The following CDK12 variants were observed in gnomAD, a reference collection of about 807,000 sequenced individuals.
CDK12 encodes cyclin dependent kinase 12, also known as cyclin-dependent kinase 12.
CDK12 carries 17 observed loss-of-function variants against 133.8 expected under a neutral mutation model. The observed-to-expected ratio is 0.13, with a 90% CI of 0.09 to 0.19. The LOEUF is 0.19. Ranked by LOEUF, CDK12 falls within the 10% of genes least tolerant of loss-of-function variation. CDK12 has a pLI of 1.00. For synonymous variants in CDK12, 694 were observed against 683.6 expected (o/e 1.02, Z -0.24); for missense variants, 1,508 against 1,818.7 (o/e 0.83, Z 3.11).
chr17:39,508,997 C>CAAAAAA (rs36130789), intron 6 of CDK12, among the ~76,000 whole-genome samples: 6 of 120,678 alleles, frequency 5.0e-5, no homozygotes, highest in African/African-American at 9.8e-5. Context: ...GACTCTGTCT[C>CAAAAAA]AAAAAAAAAA....
intron 2 of CDK12, among the ~76,000 whole-genome samples, chr17:39,480,262 T>A (rs1164619996): frequency 2.7e-5 from 4 of 147,384 alleles, no homozygotes; most frequent in Non-Finnish European, 6.0e-5. Flanking sequence ...AATGAAACTT[T>A]ACTTTTTTTT....
chr17:39,466,099 G>A (rs1431970976), intron 1 of CDK12, among the ~76,000 whole-genome samples: 2 of 151,918 alleles, frequency 1.3e-5, no homozygotes, highest in African/African-American at 4.8e-5. Flanking sequence ...CCTGAGGTCA[G>A]GAGTTTGAGA....
Position 39,494,712 on chromosome 17 carries a change from C to T in CDK12, c.2419+18C>T. The T allele has an allele frequency of 6.6e-7, 1 of 1,519,896 alleles. No individual in the cohort carries two copies. Among genetic ancestry groups the T allele is most frequent in the Non-Finnish European group, 8.9e-7 (1 of 1,119,082 alleles). The allele number at this position is 1,519,896 out of a possible 1,614,324, so 94.2% of individuals were successfully genotyped here. ...GGACAAAGGTACTAGCAAAGAATCA[C>T]ATTTTTACAGGGTAGACTGGTCCAA... On this transcript the variant is annotated intron_variant, in intron 5 of 13. Transcript: ENST00000447079.
chr17:39,561,974 CT>C (rs2056390470), intron 3 of CDK12, among the ~76,000 whole-genome samples: 2 of 152,128 alleles, frequency 1.3e-5, no homozygotes, highest in African/African-American at 4.8e-5. Context: ...GAGTCTTGCC[CT>C]GTCACCCAGG....
At chr17:39,521,035 G>A (rs551921083) in intron 11 of CDK12, among the ~76,000 whole-genome samples, 2 of 151,872 alleles carry the variant, frequency 1.3e-5, no homozygotes. Flanking sequence ...AGTAGAGACA[G>A]AGTTTCTCCA....
intron 2 of CDK12, among the ~76,000 whole-genome samples, chr17:39,479,308 G>GAAA (rs34077108): frequency 1.5e-4 from 15 of 100,390 alleles, no homozygotes; most frequent in Non-Finnish European, 2.4e-4. Context: ...GACTCCGTCT[G>GAAA]AAAAAAAAAA....
rs559227819 is a variant in CDK12 at position 39,490,305 on chromosome 17, T to C, written c.1932-252T>C. Among the ~76,000 whole-genome samples the C allele has an allele frequency of 7.9e-5, 12 of 151,724 alleles. No homozygotes were observed. The South Asian group carries it at 2.5e-3, about 32-fold the overall frequency. ...TCACTTGAACCCAGGAGGCAGAGGTTGTAGTGAGCCAAGATCACGCCACTG... is the reference window on the plus strand; with the variant it reads ...TCACTTGAACCCAGGAGGCAGAGGTCGTAGTGAGCCAAGATCACGCCACTG... On this transcript the variant is annotated intron_variant, in intron 2 of 13. Coordinates refer to ENST00000447079, the MANE Select transcript of CDK12 (RefSeq NM_016507.4).
At chr17:39,541,486 T>C (rs925286336) in intron 1 of CDK12, among the ~76,000 whole-genome samples, 5 of 150,784 alleles carry the variant, frequency 3.3e-5, no homozygotes, top group African/African-American at 4.9e-5. Flanking sequence ...TGCCTCAGCC[T>C]CCCAAGTAGC....
intron 3 of CDK12, among the ~76,000 whole-genome samples, chr17:39,563,091 C>CAA (rs2056440597): frequency 1.3e-5 from 2 of 152,052 alleles, no homozygotes; most frequent in Admixed American, 1.3e-4. Context: ...AATGTCTTCT[C>CAA]GGCTCAGCTT....
chr17:39,487,984 G>A (rs1400298176), intron 2 of CDK12, among the ~76,000 whole-genome samples: 1 of 152,022 alleles, frequency 6.6e-6, no homozygotes, highest in African/African-American at 2.4e-5. Flanking sequence ...TGGGCCATAC[G>A]TGGTAGGAGG....
chr17:39,555,884 CAA>C (rs1331746588), intron 2 of CDK12, among the ~76,000 whole-genome samples: 43 of 116,204 alleles, frequency 3.7e-4, no homozygotes, highest in African/African-American at 1.3e-3. Flanking sequence ...CACACACACA[CAA>C]AGCCAGGTGT....
chr17:39,514,517 G>T (rs1471242219), intron 8 of CDK12, among the ~76,000 whole-genome samples: 1 of 151,858 alleles, frequency 6.6e-6, no homozygotes, highest in Non-Finnish European at 1.5e-5. Context: ...GGATATTCAT[G>T]TAATCTTTGA....
At position 39,530,703 on chromosome 17, in the gene CDK12, C is replaced by T. The variant is rs750674097; in HGVS notation, c.3860C>T (p.Ser1287Phe). The T allele has an allele frequency of 6.4e-7, 1 of 1,566,128 alleles. No homozygotes were observed. Among genetic ancestry groups the T allele is most frequent in the African/African-American group, 1.4e-5 (1 of 73,416 alleles). The change falls in exon 14 of 14, where the codon TCC (serine) becomes TTC (phenylalanine). Residue 1287 changes from serine to phenylalanine, a missense_variant. Ser to Phe is a radical substitution (Grantham distance 155). Around this residue, in one of 9 missense-constraint regions of CDK12, gnomAD observed 399 missense variants for 469.6 expected, o/e 0.85. Transcript: ENST00000447079. The part of the protein sequence containing the change: ...PPPPLVEGDL[S>F]SAPQELNPAV... ...CCCCCTCTGGTTGAAGGCGATCTTTCCAGCGCCCCCCAGGAGTTGAACCCA... is the reference window on the plus strand; with the variant it reads ...CCCCCTCTGGTTGAAGGCGATCTTTTCAGCGCCCCCCAGGAGTTGAACCCA...
intron 8 of CDK12, among the ~76,000 whole-genome samples, chr17:39,514,858 C>A (rs538224650): frequency 6.6e-6 from 1 of 152,108 alleles, no homozygotes; most frequent in African/African-American, 2.4e-5. Context: ...TTTCCTTGTG[C>A]CCTTTTGTAA....
chr17:39,487,471 G>A (rs1224226161), intron 2 of CDK12, among the ~76,000 whole-genome samples: 1 of 152,058 alleles, frequency 6.6e-6, no homozygotes, highest in East Asian at 1.9e-4. Context: ...CTGTGGTTAA[G>A]GTTCTCAGAT....
intron 9 of CDK12, among the ~76,000 whole-genome samples, 186 bp downstream of exon 9, chr17:39,515,994 C>G (rs1196378420): frequency 6.6e-6 from 1 of 152,156 alleles, no homozygotes; most frequent in African/African-American, 2.4e-5. Context: ...TTTATTTCAC[C>G]TAATTTTTAG....
At chr17:39,526,441 C>T in intron 13 of CDK12, 125 bp downstream of exon 13, 2 of 697,066 alleles carry the variant, frequency 2.9e-6, no homozygotes, top group Non-Finnish European at 4.7e-6. Flanking sequence ...ACCTAGTCTA[C>T]AGGAGAACAT....
chr17:39,515,205 C>CT (rs1023957735), intron 8 of CDK12, among the ~76,000 whole-genome samples: 1 of 152,006 alleles, frequency 6.6e-6, no homozygotes, highest in Non-Finnish European at 1.5e-5. Context: ...GAGTGAGACT[C>CT]TATCTCAAAA....
intron 12 of CDK12, among the ~76,000 whole-genome samples, chr17:39,525,170 T>G (rs918820794): frequency 3.9e-5 from 6 of 152,176 alleles, no homozygotes; most frequent in African/African-American, 1.4e-4. Context: ...TAAGCCAAAT[T>G]TAATTTAAGG....
Sources: allele counts gnomAD v4.1 joint callset (sites outside exome capture counted in the v4.1 genomes callset), GRCh38; gene constraint gnomAD v4.1.1; regional missense constraint gnomAD v4.1.1; transcripts MANE v1.5; gene names NCBI Gene and HGNC (gene_info 2026-07-23, HGNC 2026-07-21).